Variants in FAAH2 observed in about 807,000 individuals in gnomAD.
FAAH2 encodes fatty-acid amide hydrolase 2.
Under a neutral mutation model 36.9 loss-of-function variants are expected in FAAH2, and 60 were observed. The ratio of observed to expected loss-of-function variants is 1.63; its 90% CI spans 1.32 to 2.02. FAAH2 has a LOEUF of 2.02. Among genes scored for constraint, FAAH2 ranks in the 30% most tolerant of loss-of-function variants. FAAH2 has a pLI of 0.00. For missense variants in FAAH2, 689 were observed against 397.5 expected, an observed-to-expected ratio of 1.73 and a Z score of -6.23; for synonymous variants, 214 against 143.8, an observed-to-expected ratio of 1.49 and a Z score of -3.49.
At chrX:57,377,652 TTAAAG>T (rs1415669534) in intron 5 of FAAH2, among the ~76,000 whole-genome samples, 1 of 112,268 alleles carries the variant, frequency 8.9e-6, no homozygotes, top group African/African-American at 3.2e-5. Context: ...CACATGAAAT[TTAAAG>T]TAGTTTTTTC....
the FAAH2 span, among the ~76,000 whole-genome samples, chrX:57,255,015 T>C: frequency 2.7e-5 from 3 of 111,052 alleles, no homozygotes; most frequent in Non-Finnish European, 3.8e-5. Flanking sequence ...ACAAAATTGA[T>C]AGACCACTAG....
chrX:57,276,917 A>G, the FAAH2 span, among the ~76,000 whole-genome samples: 3 of 111,750 alleles, frequency 2.7e-5, no homozygotes, highest in Non-Finnish European at 5.6e-5. Context: ...AGGCTCTGAA[A>G]CTGAGGCAAT....
the FAAH2 span, among the ~76,000 whole-genome samples, chrX:57,150,859 T>C: frequency 1.8e-5 from 2 of 112,318 alleles, no homozygotes; most frequent in African/African-American, 6.5e-5. Flanking sequence ...CTAGCCTTGA[T>C]GGTCTATACA....
At chrX:57,178,016 G>T in the FAAH2 span, among the ~76,000 whole-genome samples, 1 of 111,160 alleles carries the variant, frequency 9.0e-6, no homozygotes, top group Non-Finnish European at 1.9e-5. Flanking sequence ...ACTCCTCTGG[G>T]TCTAGCCACC....
At chrX:57,308,352 T>C (rs1459997094) in intron 2 of FAAH2, among the ~76,000 whole-genome samples, 1 of 111,738 alleles carries the variant, frequency 8.9e-6, no homozygotes, top group Admixed American at 9.6e-5. Context: ...TATCTAATTG[T>C]GGTTTTTATT....
At chrX:57,274,007 C>G in the FAAH2 span, among the ~76,000 whole-genome samples, 1 of 110,993 alleles carries the variant, frequency 9.0e-6, no homozygotes, top group Non-Finnish European at 1.9e-5. Flanking sequence ...AATAGATAGA[C>G]TGCTAGCCAG....
intron 2 of FAAH2, among the ~76,000 whole-genome samples, chrX:57,299,217 G>A (rs189759409): frequency 5.2e-4 from 58 of 111,988 alleles, no homozygotes; most frequent in African/African-American, 1.5e-3. Context: ...TAAAATGCTG[G>A]CAAACCGAAT....
chrX:57,166,620 A>G, the FAAH2 span, among the ~76,000 whole-genome samples: 1 of 112,434 alleles, frequency 8.9e-6, no homozygotes, highest in Non-Finnish European at 1.9e-5. Context: ...AAAGCACAAG[A>G]ATATTCTACA....
the FAAH2 span, among the ~76,000 whole-genome samples, chrX:57,124,638 A>C: frequency 4.4e-3 from 497 of 111,934 alleles, 3 homozygotes; most frequent in Middle Eastern, 0.018. Context: ...ACCCATGAGC[A>C]TGGAATGTTC....
chrX:57,397,948 G>A (rs1210195483), intron 7 of FAAH2, among the ~76,000 whole-genome samples: 2 of 106,493 alleles, frequency 1.9e-5, no homozygotes, highest in African/African-American at 6.9e-5. Flanking sequence ...GTGAGAACAT[G>A]CGGTGTTTGG....
At chrX:57,229,699 T>G in the FAAH2 span, among the ~76,000 whole-genome samples, 28 of 111,365 alleles carry the variant, frequency 2.5e-4, no homozygotes, top group African/African-American at 7.5e-4. Context: ...CTCCTATATT[T>G]TCTTGGCTAG....
chrX:57,470,941 A>G (rs753974282), intron 10 of FAAH2, among the ~76,000 whole-genome samples: 16 of 111,995 alleles, frequency 1.4e-4, no homozygotes, highest in African/African-American at 5.2e-4. Flanking sequence ...CTGCTTCAAC[A>G]CACGCAAATC....
intron 7 of FAAH2, among the ~76,000 whole-genome samples, chrX:57,398,546 CT>C (rs1344863379): frequency 1.9e-3 from 194 of 103,574 alleles, no homozygotes; most frequent in East Asian, 3.0e-3. Flanking sequence ...GTTCATTTAA[CT>C]TTTTTTTTTT....
the FAAH2 span, among the ~76,000 whole-genome samples, chrX:57,165,433 C>A: frequency 1.8e-5 from 2 of 110,858 alleles, no homozygotes; most frequent in Admixed American, 9.6e-5. Flanking sequence ...AGTAAACTAT[C>A]GCAAGAACAA....
intron 2 of FAAH2, among the ~76,000 whole-genome samples, chrX:57,299,856 A>T (rs2052286273): frequency 9.0e-6 from 1 of 111,729 alleles, no homozygotes; most frequent in Non-Finnish European, 1.9e-5. Flanking sequence ...CCCATTCACA[A>T]TTGCTTCAAA....
the FAAH2 span, among the ~76,000 whole-genome samples, chrX:57,188,625 T>C: frequency 1.8e-5 from 2 of 110,747 alleles, no homozygotes; most frequent in East Asian, 2.8e-4. Flanking sequence ...GTTGCTCCTG[T>C]AGTTCTTTTA....
the FAAH2 span, among the ~76,000 whole-genome samples, chrX:57,237,819 C>A: frequency 9.0e-6 from 1 of 110,955 alleles, no homozygotes; most frequent in South Asian, 3.8e-4. Context: ...AACAAACAAT[C>A]CCATTAAAAA....
At chrX:57,279,127 C>T in the FAAH2 span, among the ~76,000 whole-genome samples, 2 of 112,270 alleles carry the variant, frequency 1.8e-5, no homozygotes, top group African/African-American at 6.5e-5. Flanking sequence ...GATTATAAAT[C>T]ATTCTATGAT....
chrX:57,411,312 A>G (rs913140229), intron 7 of FAAH2, among the ~76,000 whole-genome samples: 6 of 111,872 alleles, frequency 5.4e-5, no homozygotes, highest in Non-Finnish European at 7.5e-5. Flanking sequence ...CTCAATCCAG[A>G]AGATTCAAGC....
Sources: allele counts gnomAD v4.1 joint callset (sites outside exome capture counted in the v4.1 genomes callset), GRCh38; gene constraint gnomAD v4.1.1; transcripts MANE v1.5; gene names NCBI Gene and HGNC (gene_info 2026-07-23, HGNC 2026-07-21).